Variants in RPGRIP1 observed in about 807,000 individuals in gnomAD.
RPGRIP1 encodes the protein RPGR interacting protein 1, also known as X-linked retinitis pigmentosa GTPase regulator-interacting protein 1.
RPGRIP1 carries 128 observed loss-of-function variants against 157.9 expected under a neutral mutation model. The ratio of observed to expected loss-of-function variants is 0.81; its 90% CI spans 0.70 to 0.94. The LOEUF is 0.94. RPGRIP1 is among the 40% of genes least tolerant of loss of function. The probability of loss-of-function intolerance (pLI) is 0.00; values close to 1 mark genes in which losing one functional copy is unlikely to be tolerated. For synonymous variants in RPGRIP1, 554 were observed against 571.6 expected (o/e 0.97, Z 0.44); for missense variants, 1,486 against 1,545.8 (o/e 0.96, Z 0.65).
In RPGRIP1 at chr14:21,343,866, G is replaced by GTTTTTTTTTTTTTTTTTTTTTTTTTTT. The variant is rs67535379; in HGVS notation, c.3532+653_3532+679dup. Reference sequence around the variant, plus strand: ...TGATTTTTGTTCTTCCTCTTTTCCTGTTTTTTTTTTTTTTTTTTTTTTTTT... The same window carrying GTTTTTTTTTTTTTTTTTTTTTTTTTTT: ...TGATTTTTGTTCTTCCTCTTTTCCTGTTTTTTTTTTTTTTTTTTTTTTTTTTTTTTTTTTTTTTTTTTTTTTTTTTTT... On this transcript the variant is annotated intron_variant, in intron 22 of 24. Transcript: ENST00000400017. Among the ~76,000 whole-genome samples the GTTTTTTTTTTTTTTTTTTTTTTTTTTT allele has an allele frequency of 9.9e-5, 5 of 50,438 alleles. 1 individual carries two copies. The highest frequency in any genetic ancestry group is 2.7e-4 in the Admixed American group (1 of 3,708). The allele number at this position is 50,438 out of a possible 152,430, so 33.1% of individuals were successfully genotyped here. A position where few individuals can be genotyped will look rare whatever the true frequency, so the allele number is the denominator to read the frequency against.
chr14:21,287,140 G>C (rs1738619817), intron 1 of RPGRIP1, among the ~76,000 whole-genome samples: 1 of 152,158 alleles, frequency 6.6e-6, no homozygotes, highest in Non-Finnish European at 1.5e-5. Flanking sequence ...GCTCACGCCT[G>C]TAATCCCAAC....
At chr14:21,293,853 T>G (rs1038534960) in intron 2 of RPGRIP1, among the ~76,000 whole-genome samples, 2 of 151,282 alleles carry the variant, frequency 1.3e-5, no homozygotes, top group African/African-American at 4.9e-5. Flanking sequence ...CACTCCAGCC[T>G]GGGCGAGAGT....
intron 17 of RPGRIP1, 132 bp downstream of exon 17, chr14:21,326,305 T>C: frequency 1.6e-6 from 1 of 625,716 alleles, no homozygotes; most frequent in Non-Finnish European, 2.7e-6. Context: ...TTTAGAATAT[T>C]GTCAAGAGCA....
At chr14:21,302,865 GTT>G (rs59447072) in intron 5 of RPGRIP1, 134 of 88,246 alleles carry the variant, frequency 1.5e-3, no homozygotes, top group South Asian at 4.4e-3. Flanking sequence ...CCTTTGTTGT[GTT>G]TTTTTTTTTT....
chr14:21,328,941 CGA>C (rs1252248680), intron 19 of RPGRIP1, among the ~76,000 whole-genome samples: 2 of 151,876 alleles, frequency 1.3e-5, no homozygotes, highest in Non-Finnish European at 2.9e-5. Flanking sequence ...GTCAGGAGTT[CGA>C]GACCAGCTTG....
chr14:21,294,154 C>G (rs184739819), intron 2 of RPGRIP1, among the ~76,000 whole-genome samples: 1 of 150,762 alleles, frequency 6.6e-6, no homozygotes, highest in East Asian at 1.9e-4. Flanking sequence ...ACTTTCTAGA[C>G]GGAAGGTCGA....
chr14:21,351,231 T>C lies in RPGRIP1; in HGVS notation c.*15T>C. The C allele has an allele frequency of 6.8e-7, 1 of 1,481,434 alleles. No homozygotes were observed. Among genetic ancestry groups the C allele is most frequent in the South Asian group, 1.2e-5 (1 of 85,884 alleles). 91.8% of individuals were successfully genotyped at this position (1,481,434 alleles called of 1,614,324 possible). On this transcript the variant is annotated 3_prime_UTR_variant, in exon 25 of 25. Transcript: ENST00000400017. ...TGTTTTCATGAAGGAACAAGTGCTA[T>C]TCCAATCTAAAAGTCTCTGAGGGAA...
chr14:21,288,765 C>T (rs1398098834), intron 2 of RPGRIP1, among the ~76,000 whole-genome samples: 1 of 151,894 alleles, frequency 6.6e-6, no homozygotes, highest in African/African-American at 2.4e-5. Flanking sequence ...CCGCCTGCCT[C>T]GGTCTCCCAA....
At chr14:21,318,474 G>T (rs1454503297) in intron 11 of RPGRIP1, among the ~76,000 whole-genome samples, 1 of 151,662 alleles carries the variant, frequency 6.6e-6, no homozygotes, top group Admixed American at 6.6e-5. Context: ...TCTTTTGTTT[G>T]GTTTGGTTTG....
chr14:21,328,557 G>T lies in RPGRIP1; in HGVS notation c.3029G>T (p.Arg1010Ile), dbSNP rs969637624. The change falls in exon 19 of 25, where the codon AGA becomes ATA. Residue 1010 changes from arginine to isoleucine, a missense_variant. Physicochemically the swap from Arg to Ile is moderately conservative, Grantham distance 97. Transcript: ENST00000400017. ...VSYSRRKHGK[R>I]IGVQGKNRME... The stretch of plus-strand genomic sequence containing the variant: ...TACTCAAGAAGAAAACATGGCAAAA[G>T]AATAGGTGTTCAAGGAAAGAATAGA... The T allele has an allele frequency of 1.2e-6, 2 of 1,613,624 alleles. No homozygotes were observed. Among genetic ancestry groups the T allele is most frequent in the African/African-American group, 2.7e-5 (2 of 74,890 alleles).
At chr14:21,295,044 A>T (rs1880709942) in intron 3 of RPGRIP1, among the ~76,000 whole-genome samples, 1 of 151,784 alleles carries the variant, frequency 6.6e-6, no homozygotes, top group Non-Finnish European at 1.5e-5. Flanking sequence ...GGGATTCGCC[A>T]TGTTGGCCAG....
chr14:21,335,272 T>G (rs1467211313), intron 21 of RPGRIP1, among the ~76,000 whole-genome samples: 2 of 152,120 alleles, frequency 1.3e-5, no homozygotes, highest in African/African-American at 4.8e-5. Context: ...ATCTGGATCC[T>G]TTGCCTCTTA....
In RPGRIP1 at chr14:21,321,260, C is replaced by T. The variant is rs759270052; in HGVS notation, c.1469C>T (p.Pro490Leu). The T allele has an allele frequency of 1.9e-6, 3 of 1,612,460 alleles. No homozygotes were observed. The South Asian group carries it at 3.3e-5, about 18-fold the overall frequency. The change falls in exon 13 of 25, where the codon CCA becomes CTA. Residue 490 changes from proline to leucine, a missense_variant and splice_region_variant. By Grantham distance (98) the Pro-to-Leu change is moderately conservative. Coordinates refer to ENST00000400017, the MANE Select transcript of RPGRIP1 (RefSeq NM_020366.4). ...TTACCAATGCGTTTCCCTCTACAGC[C>T]AAGTGAACCCAAAAACCAAGAAGAA... The part of the protein sequence containing the change: ...AVLQENTQIE[P>L]SEPKNQEEKK...
At chr14:21,316,951 C>A (rs969365487) in intron 10 of RPGRIP1, among the ~76,000 whole-genome samples, 1 of 151,756 alleles carries the variant, frequency 6.6e-6, no homozygotes, top group Non-Finnish European at 1.5e-5. Flanking sequence ...AAAACCCCGT[C>A]TCTATTAAAA....
rs2139160608 is a variant in RPGRIP1 at position 21,303,453 on chromosome 14, CA to C, written c.711del (p.Lys239SerfsTer36). On this transcript the variant is annotated frameshift_variant, in exon 6 of 25. Transcript: ENST00000400017. LOFTEE classifies it high-confidence loss of function. ...MASNTMQVEEPPKSPEKMWPK... is the reference protein window; with the variant it reads ...MASNTMQVEEXPKSPEKMWPK... ...AGCAATACCATGCAAGTGGAAGAGC[CA>C]CCCAAGTCTCCTGAGAAAATGTGGC... The C allele has an allele frequency of 6.2e-6, 10 of 1,613,876 alleles. No individual in the cohort carries two copies. Among genetic ancestry groups the C allele is most frequent in the Non-Finnish European group, 8.5e-6 (10 of 1,179,858 alleles).
At chr14:21,300,223 T>C (rs1880964161) in intron 3 of RPGRIP1, among the ~76,000 whole-genome samples, 1 of 151,100 alleles carries the variant, frequency 6.6e-6, no homozygotes, top group Non-Finnish European at 1.5e-5. Flanking sequence ...GAGAATCGCT[T>C]GAACTTGGGA....
Position 21,328,553 on chromosome 14 carries a change from A to C in RPGRIP1, c.3025A>C (p.Lys1009Gln). ...GAGCTACTCAAGAAGAAAACATGGC[A>C]AAAGAATAGGTGTTCAAGGAAAGAA... Reference protein sequence around the residue: ...VVSYSRRKHGKRIGVQGKNRM... With the variant: ...VVSYSRRKHGQRIGVQGKNRM... Residue 1009 changes from lysine (K) to glutamine (Q), a missense_variant, in exon 19 of 25, where the codon AAA becomes CAA. Transcript: ENST00000400017. 6.2e-7 allele frequency: 1 copy of C among 1,613,876 alleles called. No homozygotes were observed. The highest frequency in any genetic ancestry group is 8.5e-7 in the Non-Finnish European group (1 of 1,179,774).
intron 10 of RPGRIP1, among the ~76,000 whole-genome samples, chr14:21,314,218 G>C (rs1236174282): frequency 6.6e-6 from 1 of 151,842 alleles, no homozygotes; most frequent in African/African-American, 2.4e-5. Flanking sequence ...GAGTAGCTGG[G>C]ACCACAGCCA....
chr14:21,335,321 G>A (rs139883651), intron 21 of RPGRIP1, among the ~76,000 whole-genome samples: 16 of 152,152 alleles, frequency 1.1e-4, no homozygotes, highest in African/African-American at 3.6e-4. Flanking sequence ...TTCATGCCCA[G>A]CCTGAATGGT....
Sources: gnomAD v4.1 joint callset for allele counts (sites outside exome capture counted in the v4.1 genomes callset) on GRCh38, gnomAD v4.1.1 for gene constraint, MANE v1.5 for transcripts, NCBI Gene and HGNC (gene_info 2026-07-23, HGNC 2026-07-21) for gene names.